CADM2: variants seen among roughly 807,000 people sequenced by gnomAD.
CADM2 encodes the protein immunoglobulin superfamily member 4D.
Under a neutral mutation model 49.8 loss-of-function variants are expected in CADM2, and 12 were observed. The ratio of observed to expected loss-of-function variants is 0.24; its 90% CI spans 0.15 to 0.39. The LOEUF (loss-of-function observed/expected upper bound fraction) is 0.39, where lower values mean the gene tolerates loss of function less well. Ranked by LOEUF, CADM2 falls within the 10% of genes least tolerant of loss-of-function variation. The pLI, the probability that CADM2 is intolerant of heterozygous loss-of-function variation, is 1.00. For synonymous variants in CADM2, 214 were observed against 175.4 expected (o/e 1.22, Z -1.74); for missense variants, 378 against 492.3 (o/e 0.77, Z 2.20).
intron 1 of CADM2, among the ~76,000 whole-genome samples, chr3:85,262,212 C>T (rs1020160915): frequency 2.0e-5 from 3 of 152,026 alleles, no homozygotes; most frequent in South Asian, 2.1e-4. Context: ...CCTAATTTCT[C>T]CTGACTTAAA....
intron 1 of CADM2, among the ~76,000 whole-genome samples, chr3:85,484,116 T>C (rs2107633054): frequency 6.6e-6 from 1 of 152,038 alleles, no homozygotes; most frequent in South Asian, 2.1e-4. Context: ...GTATAGCTTT[T>C]CCCTTTGGAC....
rs551293750 is a variant in CADM2, at chr3:85,809,929, A to G, written c.238+7733A>G. Among the ~76,000 whole-genome samples, 108 of 152,030 alleles carry G rather than the reference A, an allele frequency of 7.1e-4. 2 individuals are homozygous for G. Among genetic ancestry groups the G allele is most frequent in the Admixed American group, 1.1e-3 (16 of 15,228 alleles). ...ACACCACAATATTCTCATATGTATT[A>G]GTAAATTTCCTAGCAAGTGCATGCA... On this transcript the variant is annotated intron_variant, in intron 3 of 9. Coordinates refer to ENST00000383699, the MANE Select transcript of CADM2 (RefSeq NM_001167675.2).
At chr3:85,582,473 A>G (rs574477830) in intron 1 of CADM2, among the ~76,000 whole-genome samples, 2 of 152,324 alleles carry the variant, frequency 1.3e-5, no homozygotes, top group South Asian at 2.1e-4. Context: ...GCAGGCTGCC[A>G]TAACTAAATA....
intron 1 of CADM2, among the ~76,000 whole-genome samples, chr3:85,309,472 A>G (rs144371351): frequency 6.6e-6 from 1 of 152,264 alleles, no homozygotes; most frequent in East Asian, 1.9e-4. Context: ...CATGATGTGA[A>G]AAGAACCTAC....
chr3:85,092,444 G>GAT lies in CADM2; in HGVS notation c.61+132787_61+132788dup, dbSNP rs368978524. On this transcript the variant is annotated intron_variant, in intron 1 of 9. Transcript: ENST00000383699. ...GAAGAAACAATCTCTTTTAGAGAAA[G>GAT]ATATATATATATCATGTTCACAACC... Among the ~76,000 whole-genome samples, 516 of 152,020 alleles carry GAT rather than the reference G, an allele frequency of 3.4e-3. 1 individual carries two copies. The highest frequency in any genetic ancestry group is 6.9e-3 in the Middle Eastern group (2 of 290).
At chr3:85,887,867 A>G (rs1464992400) in intron 5 of CADM2, among the ~76,000 whole-genome samples, 2 of 152,166 alleles carry the variant, frequency 1.3e-5, no homozygotes, top group Non-Finnish European at 2.9e-5. Flanking sequence ...TACAACAAGA[A>G]TCTGATCCAG....
chr3:85,845,165 A>G lies in CADM2; in HGVS notation c.239-38126A>G, dbSNP rs566868699. Among the ~76,000 whole-genome samples the G allele has an allele frequency of 1.1e-3, 162 of 151,704 alleles. 1 individual carries two copies. The highest frequency in any genetic ancestry group is 3.4e-3 in the Middle Eastern group (1 of 294). On this transcript the variant is annotated intron_variant, in intron 3 of 9. Coordinates refer to ENST00000383699, the MANE Select transcript of CADM2 (RefSeq NM_001167675.2). ...ACTGAGACTTAGTCACAAAAAAAAAAAAAAAAAAAGAAGAGCAAAGAAAAG... is the reference window on the plus strand; with the variant it reads ...ACTGAGACTTAGTCACAAAAAAAAAGAAAAAAAAAGAAGAGCAAAGAAAAG...
intron 1 of CADM2, among the ~76,000 whole-genome samples, chr3:85,085,490 T>G (rs2037333615): frequency 6.6e-6 from 1 of 152,176 alleles, no homozygotes; most frequent in African/African-American, 2.4e-5. Flanking sequence ...CACCACATTT[T>G]CTTTATTCAT....
intron 3 of CADM2, among the ~76,000 whole-genome samples, chr3:85,806,408 A>G (rs1190394789): frequency 7.2e-5 from 11 of 152,118 alleles, no homozygotes; most frequent in Non-Finnish European, 1.5e-4. Flanking sequence ...TGGAGGTGTA[A>G]GTTTCCAAGG....
At chr3:85,849,978 C>A (rs559557023) in intron 3 of CADM2, among the ~76,000 whole-genome samples, 1 of 152,102 alleles carries the variant, frequency 6.6e-6, no homozygotes, top group African/African-American at 2.4e-5. Flanking sequence ...ATTCAGGATA[C>A]CGTAAAGAAC....
At chr3:85,399,674 C>G (rs2034995610) in intron 1 of CADM2, among the ~76,000 whole-genome samples, 1 of 152,134 alleles carries the variant, frequency 6.6e-6, no homozygotes. Context: ...TGTAGTTCTC[C>G]TTGAAGAGGT....
intron 1 of CADM2, among the ~76,000 whole-genome samples, chr3:85,345,679 G>A (rs1361453328): frequency 6.6e-6 from 1 of 152,190 alleles, no homozygotes; most frequent in Non-Finnish European, 1.5e-5. Context: ...TACATAGGAG[G>A]CATGACATCT....
At chr3:85,444,928 CTGAG>C (rs905104941) in intron 1 of CADM2, among the ~76,000 whole-genome samples, 27 of 152,210 alleles carry the variant, frequency 1.8e-4, no homozygotes, top group African/African-American at 6.3e-4. Flanking sequence ...CTTCTTGAAT[CTGAG>C]TGAGTAGATG....
At chr3:85,787,540 C>G (rs1397831534) in intron 2 of CADM2, among the ~76,000 whole-genome samples, 2 of 152,212 alleles carry the variant, frequency 1.3e-5, no homozygotes, top group South Asian at 2.1e-4. Context: ...TCAAGTCCCA[C>G]AGTTGGCTCC....
intron 1 of CADM2, among the ~76,000 whole-genome samples, chr3:85,524,688 T>A (rs2061118292): frequency 6.6e-6 from 1 of 152,176 alleles, no homozygotes; most frequent in Non-Finnish European, 1.5e-5. Flanking sequence ...ACTGATATTA[T>A]CTTAATTTTT....
At chr3:85,555,085 CTG>C (rs1301822283) in intron 1 of CADM2, among the ~76,000 whole-genome samples, 23 of 152,066 alleles carry the variant, frequency 1.5e-4, no homozygotes, top group Non-Finnish European at 3.2e-4. Flanking sequence ...AAAAATCTAA[CTG>C]TGTGTCACTG....
At chr3:85,450,344 C>G (rs1377992113) in intron 1 of CADM2, among the ~76,000 whole-genome samples, 3 of 152,002 alleles carry the variant, frequency 2.0e-5, no homozygotes, top group African/African-American at 7.2e-5. Context: ...TTATTTCCAT[C>G]TACTATGTTA....
chr3:85,305,119 A>G (rs2044183536), intron 1 of CADM2, among the ~76,000 whole-genome samples: 1 of 151,562 alleles, frequency 6.6e-6, no homozygotes, highest in Admixed American at 6.6e-5. Flanking sequence ...TTGTGGTAGT[A>G]AATAAATTAC....
At chr3:85,639,264 C>T (rs970086510) in intron 1 of CADM2, among the ~76,000 whole-genome samples, 2 of 152,096 alleles carry the variant, frequency 1.3e-5, no homozygotes, top group Admixed American at 6.5e-5. Flanking sequence ...AGGTGAATGT[C>T]TTTGAAGCAT....
Sources: gnomAD v4.1 joint callset for allele counts (sites outside exome capture counted in the v4.1 genomes callset) on GRCh38, gnomAD v4.1.1 for gene constraint, MANE v1.5 for transcripts, NCBI Gene and HGNC (gene_info 2026-07-23, HGNC 2026-07-21) for gene names.